The following TAFA4 variants were observed in gnomAD, a reference collection of about 807,000 sequenced individuals.
TAFA4 encodes the protein TAFA chemokine like family member 4.
TAFA4 carries 20 observed loss-of-function variants against 21.1 expected under a neutral mutation model. The ratio of observed to expected loss-of-function variants is 0.95; its 90% CI spans 0.67 to 1.38. The LOEUF is 1.38. TAFA4 is among the 40% of genes most tolerant of loss of function. TAFA4 has a pLI of 0.00. For missense variants in TAFA4, 211 were observed against 180.9 expected, an observed-to-expected ratio of 1.17 and a Z score of -0.95; for synonymous variants, 71 against 67.4, an observed-to-expected ratio of 1.05 and a Z score of -0.26.
chr3:68,921,366 A>T (rs1298712464), intron 1 of TAFA4, among the ~76,000 whole-genome samples: 1 of 152,140 alleles, frequency 6.6e-6, no homozygotes, highest in East Asian at 1.9e-4. Context: ...TTTTTAAACA[A>T]GTGAAGAAAA....
At chr3:68,928,224 A>G (rs1047291207) in intron 1 of TAFA4, among the ~76,000 whole-genome samples, 1 of 152,250 alleles carries the variant, frequency 6.6e-6, no homozygotes, top group Non-Finnish European at 1.5e-5. Context: ...TCATCCATAT[A>G]AAGAAAGCCA....
At chr3:68,851,237 C>T (rs1043947774) in intron 3 of TAFA4, among the ~76,000 whole-genome samples, 4 of 152,134 alleles carry the variant, frequency 2.6e-5, no homozygotes, top group African/African-American at 9.7e-5. Flanking sequence ...CAAACTGATG[C>T]AGGAACAGAA....
At chr3:68,741,652 G>A (rs543443014) in intron 4 of TAFA4, among the ~76,000 whole-genome samples, 23 of 152,100 alleles carry the variant, frequency 1.5e-4, no homozygotes, top group African/African-American at 4.6e-4. Flanking sequence ...AAAGCCAGGC[G>A]TGGTGGCCGG....
rs141038391 is a variant in TAFA4, at chr3:68,909,832, C to A, written c.-123+22408G>T. 4.6e-3 allele frequency among the ~76,000 whole-genome samples: 698 copies of A among 152,296 alleles called. 7 individuals are homozygous for A. Among genetic ancestry groups the A allele is most frequent in the Middle Eastern group, 0.024 (7 of 294 alleles). On this transcript the variant is annotated intron_variant, in intron 1 of 5. Transcript: ENST00000295569. ...ACAGTTTCTTTGGGTCGGAAGCCTG[C>A]GTGTGGCTTATCTAGATGCTTTGTT...
chr3:68,810,154 T>G (rs1057119675), intron 3 of TAFA4, among the ~76,000 whole-genome samples: 8 of 152,232 alleles, frequency 5.3e-5, no homozygotes, highest in Non-Finnish European at 1.0e-4. Context: ...ATCTGTACAT[T>G]GCTTTGGGTA....
chr3:68,901,260 G>T (rs1399126905), intron 1 of TAFA4, among the ~76,000 whole-genome samples: 1 of 151,762 alleles, frequency 6.6e-6, no homozygotes, highest in Non-Finnish European at 1.5e-5. Context: ...GACTTTCCTT[G>T]GCCTGCCTTT....
chr3:68,850,098 C>T (rs768300141), intron 3 of TAFA4, among the ~76,000 whole-genome samples: 9 of 152,128 alleles, frequency 5.9e-5, no homozygotes, highest in Non-Finnish European at 1.2e-4. Flanking sequence ...AGAATCTATA[C>T]CCTCCTCTTC....
At chr3:68,836,712 T>C (rs1345705650) in intron 3 of TAFA4, among the ~76,000 whole-genome samples, 2 of 152,352 alleles carry the variant, frequency 1.3e-5, no homozygotes, top group African/African-American at 4.8e-5. Flanking sequence ...AAAATTTATT[T>C]ACAATAGTAA....
intron 3 of TAFA4, among the ~76,000 whole-genome samples, chr3:68,786,143 A>G (rs1575608047): frequency 2.6e-5 from 4 of 152,354 alleles, no homozygotes; most frequent in African/African-American, 9.6e-5. Context: ...AGCATTCTCT[A>G]CTTTGTGTTT....
chr3:68,820,628 T>G (rs1704092797), intron 3 of TAFA4, among the ~76,000 whole-genome samples: 1 of 152,136 alleles, frequency 6.6e-6, no homozygotes, highest in African/African-American at 2.4e-5. Flanking sequence ...ATAGCACCAC[T>G]GTACTCCAAG....
intron 5 of TAFA4, 83 bp downstream of exon 5, chr3:68,738,972 ATTAACACATAATAATGTGTT>A (rs1702294107): frequency 7.9e-6 from 12 of 1,514,732 alleles, no homozygotes; most frequent in Non-Finnish European, 1.1e-5. Context: ...AAGCAGGTTT[ATTAACACATAATAATGTGTT>A]CTTGATGGCA....
At chr3:68,872,014 A>G (rs2089488628) in intron 3 of TAFA4, among the ~76,000 whole-genome samples, 1 of 152,128 alleles carries the variant, frequency 6.6e-6, no homozygotes, top group African/African-American at 2.4e-5. Flanking sequence ...AACTAAAACT[A>G]AAAGGACCAA....
chr3:68,801,687 G>C (rs1330353015), intron 3 of TAFA4, among the ~76,000 whole-genome samples: 1 of 152,086 alleles, frequency 6.6e-6, no homozygotes, highest in Admixed American at 6.5e-5. Flanking sequence ...AAATATTTTA[G>C]GCTTTAGAGG....
At chr3:68,893,223 T>C (rs1052846991) in intron 1 of TAFA4, among the ~76,000 whole-genome samples, 1 of 152,234 alleles carries the variant, frequency 6.6e-6, no homozygotes, top group African/African-American at 2.4e-5. Flanking sequence ...TGCCAAGTAC[T>C]TGAATTTTAT....
intron 3 of TAFA4, among the ~76,000 whole-genome samples, chr3:68,780,743 A>G (rs1194729454): frequency 6.6e-6 from 1 of 152,208 alleles, no homozygotes; most frequent in Admixed American, 6.5e-5. Context: ...ACTAATACAG[A>G]GACCTTAAAA....
At chr3:68,799,919 A>G (rs1703538071) in intron 3 of TAFA4, among the ~76,000 whole-genome samples, 1 of 152,044 alleles carries the variant, frequency 6.6e-6, no homozygotes, top group East Asian at 1.9e-4. Flanking sequence ...CTGTCAGATG[A>G]GCAGCAGCAT....
chr3:68,783,211 G>T (rs537216962), intron 3 of TAFA4, among the ~76,000 whole-genome samples: 96 of 152,040 alleles, frequency 6.3e-4, no homozygotes, highest in African/African-American at 2.2e-3. Context: ...CCCTAAGACT[G>T]GGAACAAAGC....
intron 1 of TAFA4, among the ~76,000 whole-genome samples, chr3:68,896,174 G>A (rs2089787314): frequency 1.3e-5 from 2 of 152,286 alleles, no homozygotes; most frequent in South Asian, 4.1e-4. Context: ...GAGGTATCCA[G>A]GGACAGACCA....
At chr3:68,895,109 T>C (rs2089775276) in intron 1 of TAFA4, among the ~76,000 whole-genome samples, 1 of 152,124 alleles carries the variant, frequency 6.6e-6, no homozygotes, top group Non-Finnish European at 1.5e-5. Flanking sequence ...GCAATTCTCC[T>C]GCCTCAGCCT....
Sources: allele counts gnomAD v4.1 joint callset (sites outside exome capture counted in the v4.1 genomes callset), GRCh38; gene constraint gnomAD v4.1.1; transcripts MANE v1.5; gene names NCBI Gene and HGNC (gene_info 2026-07-23, HGNC 2026-07-21).